CNTNAP2: variants seen among roughly 807,000 people sequenced by gnomAD.
The protein encoded by CNTNAP2 is contactin associated protein 2, also known as contactin-associated protein-like 2.
Under a neutral mutation model 155.2 loss-of-function variants are expected in CNTNAP2, and 98 were observed. The ratio of observed to expected loss-of-function variants is 0.63; its 90% CI spans 0.54 to 0.75. CNTNAP2 has a LOEUF of 0.75. CNTNAP2 is among the 30% of genes least tolerant of loss of function. CNTNAP2 has a pLI of 0.00. For missense variants in CNTNAP2, 1,727 were observed against 1,688.1 expected, an observed-to-expected ratio of 1.02 and a Z score of -0.40; for synonymous variants, 651 against 631.2, an observed-to-expected ratio of 1.03 and a Z score of -0.47.
intron 1 of CNTNAP2, among the ~76,000 whole-genome samples, chr7:146,442,184 A>G (rs1796329186): frequency 6.6e-6 from 1 of 151,658 alleles, no homozygotes; most frequent in Admixed American, 6.6e-5. Flanking sequence ...ATAAAACTGT[A>G]AGCCACAAGT....
intron 4 of CNTNAP2, among the ~76,000 whole-genome samples, chr7:147,068,892 C>A (rs1297545574): frequency 6.6e-6 from 1 of 152,210 alleles, no homozygotes; most frequent in African/African-American, 2.4e-5. Flanking sequence ...GGAATACCTG[C>A]AGCTAGGTCA....
intron 1 of CNTNAP2, among the ~76,000 whole-genome samples, chr7:146,442,697 A>G (rs1224527089): frequency 6.6e-6 from 1 of 152,048 alleles, no homozygotes; most frequent in East Asian, 1.9e-4. Context: ...CTCACTTGAC[A>G]TTTTTGTGGT....
intron 15 of CNTNAP2, among the ~76,000 whole-genome samples, chr7:148,054,068 G>A (rs1180563942): frequency 1.3e-5 from 2 of 151,532 alleles, no homozygotes; most frequent in South Asian, 2.1e-4. Flanking sequence ...TGCCTCCCGG[G>A]TTCACGCCAT....
At chr7:148,305,222 C>CAAAAA (rs34005083) in intron 21 of CNTNAP2, among the ~76,000 whole-genome samples, 37 of 51,940 alleles carry the variant, frequency 7.1e-4, no homozygotes, top group African/African-American at 2.1e-3. Flanking sequence ...GGCCCTGTCT[C>CAAAAA]AAAAAAAAAA....
At chr7:147,376,819 C>T (rs1019793688) in intron 9 of CNTNAP2, among the ~76,000 whole-genome samples, 1 of 151,934 alleles carries the variant, frequency 6.6e-6, no homozygotes, top group African/African-American at 2.4e-5. Flanking sequence ...GAAGCCTGAA[C>T]CTCTCCACAC....
At chr7:147,536,781 A>T (rs1799548464) in intron 11 of CNTNAP2, among the ~76,000 whole-genome samples, 1 of 151,996 alleles carries the variant, frequency 6.6e-6, no homozygotes, top group Non-Finnish European at 1.5e-5. Flanking sequence ...TGATGCAATC[A>T]CTTTCTTTTT....
At chr7:146,629,182 A>G (rs1035222263) in intron 1 of CNTNAP2, among the ~76,000 whole-genome samples, 3 of 152,178 alleles carry the variant, frequency 2.0e-5, no homozygotes, top group African/African-American at 7.2e-5. Flanking sequence ...ACTTTAAACA[A>G]GTTGGCAGAG....
chr7:147,513,776 A>G (rs1799062475), intron 11 of CNTNAP2, among the ~76,000 whole-genome samples: 1 of 152,232 alleles, frequency 6.6e-6, no homozygotes, highest in Non-Finnish European at 1.5e-5. Flanking sequence ...TCTACCTCTC[A>G]TGTAAAAGTG....
At chr7:146,788,639 T>A (rs973872921) in intron 2 of CNTNAP2, among the ~76,000 whole-genome samples, 1 of 152,138 alleles carries the variant, frequency 6.6e-6, no homozygotes, top group Non-Finnish European at 1.5e-5. Context: ...TCAAATAGTA[T>A]TAAAGTATAA....
chr7:148,306,237 A>C (rs10253504), intron 21 of CNTNAP2, among the ~76,000 whole-genome samples: 151,602 of 152,278 alleles, frequency 1, 75,469 homozygotes, highest in Middle Eastern at 1. Context: ...TCTCTGGAAG[A>C]TTTTAGGTTC....
intron 9 of CNTNAP2, among the ~76,000 whole-genome samples, chr7:147,357,455 G>A (rs552764654): frequency 2.0e-5 from 3 of 152,156 alleles, no homozygotes; most frequent in East Asian, 1.9e-4. Context: ...CAATGCCAGT[G>A]ATCTAAGGTG....
intron 13 of CNTNAP2, among the ~76,000 whole-genome samples, chr7:147,767,398 T>A (rs1241133580): frequency 6.6e-6 from 1 of 152,100 alleles, no homozygotes; most frequent in Non-Finnish European, 1.5e-5. Context: ...GTAATACATA[T>A]AATTTCCTAA....
At chr7:147,598,668 A>G (rs1203173797) in intron 12 of CNTNAP2, among the ~76,000 whole-genome samples, 1 of 152,144 alleles carries the variant, frequency 6.6e-6, no homozygotes, top group Non-Finnish European at 1.5e-5. Flanking sequence ...TATGTCTGCT[A>G]TCATTGGGTG....
At chr7:146,917,414 C>T (rs999492343) in intron 3 of CNTNAP2, among the ~76,000 whole-genome samples, 1 of 152,038 alleles carries the variant, frequency 6.6e-6, no homozygotes, top group Non-Finnish European at 1.5e-5. Flanking sequence ...ATTGAGGTCC[C>T]CCAGTATTAT....
At chr7:147,388,980 C>T (rs1796666831) in intron 9 of CNTNAP2, among the ~76,000 whole-genome samples, 1 of 152,174 alleles carries the variant, frequency 6.6e-6, no homozygotes. Context: ...TAACCAATCT[C>T]CCAGCCACAT....
intron 11 of CNTNAP2, among the ~76,000 whole-genome samples, chr7:147,487,391 T>C (rs1798528827): frequency 6.6e-6 from 1 of 152,214 alleles, no homozygotes; most frequent in South Asian, 2.1e-4. Context: ...AAATTGTTCC[T>C]TACCAATCAC....
Position 147,832,485 on chromosome 7 carries a change from C to T in CNTNAP2, c.2099-71080C>T, listed in dbSNP as rs991347897. ...TTTCAGAAATATCTCACCCAATTAACTTTGCTTATATTTTATTTTAAGTAT... is the reference window on the plus strand; with the variant it reads ...TTTCAGAAATATCTCACCCAATTAATTTTGCTTATATTTTATTTTAAGTAT... On this transcript the variant is annotated intron_variant, in intron 13 of 23. Coordinates refer to ENST00000361727, the MANE Select transcript of CNTNAP2 (RefSeq NM_014141.6). Among the ~76,000 whole-genome samples the T allele has an allele frequency of 4.6e-4, 67 of 144,714 alleles. 1 individual carries two copies. The highest frequency in any genetic ancestry group is 4.1e-3 in the Middle Eastern group (1 of 244). 94.9% of individuals were successfully genotyped at this position (144,714 alleles called of 152,430 possible). A position where few individuals can be genotyped will look rare whatever the true frequency, so the allele number is the denominator to read the frequency against.
intron 17 of CNTNAP2, among the ~76,000 whole-genome samples, chr7:148,160,350 G>T (rs542347766): frequency 6.6e-6 from 1 of 151,842 alleles, no homozygotes; most frequent in South Asian, 2.1e-4. Context: ...GGTCATAGCT[G>T]CAGTGAGCCG....
intron 13 of CNTNAP2, among the ~76,000 whole-genome samples, chr7:147,748,136 G>A (rs1797075480): frequency 6.6e-6 from 1 of 152,210 alleles, no homozygotes; most frequent in South Asian, 2.1e-4. Flanking sequence ...GGGAAGGATG[G>A]AGATATAAAT....
Sources: allele counts gnomAD v4.1 joint callset (sites outside exome capture counted in the v4.1 genomes callset), GRCh38; gene constraint gnomAD v4.1.1; transcripts MANE v1.5; gene names NCBI Gene and HGNC (gene_info 2026-07-23, HGNC 2026-07-21).